Variants in NBPF10 observed in about 807,000 individuals in gnomAD.
The protein encoded by NBPF10 is NBPF member 10, also known as NBPF family member NBPF10.
NBPF10 carries 63 observed loss-of-function variants against 77.9 expected under a neutral mutation model. That is an observed-to-expected ratio of 0.81 (90% CI 0.66 to 1.00). NBPF10 has a LOEUF of 1.00. Among genes scored for constraint, NBPF10 ranks in the 50% least tolerant of loss-of-function variants. NBPF10 has a pLI of 0.00. For missense variants in NBPF10, 522 were observed against 679.8 expected (o/e 0.77, Z 2.58); for synonymous variants, 146 against 264.5 (o/e 0.55, Z 4.35).
intron 8 of NBPF10, 121 bp from the exon 9 acceptor site, chr1:146,134,386 T>G (rs1659494817): frequency 2.6e-6 from 2 of 759,642 alleles, no homozygotes; most frequent in Admixed American, 4.6e-5. Flanking sequence ...CTGAAAACTC[T>G]CATGTTTTAT....
At chr1:146,126,199 C>G (rs782702198) in intron 14 of NBPF10, 37 bp downstream of exon 14, 3 of 1,171,726 alleles carry the variant, frequency 2.6e-6, no homozygotes, top group South Asian at 2.4e-5. Flanking sequence ...CCAGAAGACT[C>G]AGTGGATCCT....
intron 89 of NBPF10, 137 bp from the exon 90 acceptor site, chr1:146,066,698 T>C (rs1257202290): frequency 3.7e-6 from 2 of 541,832 alleles, no homozygotes; most frequent in South Asian, 2.1e-5. Flanking sequence ...AAAAAAAAAA[T>C]TTATTGCCTT....
At chr1:146,067,333 C>G (rs782393331) in intron 88 of NBPF10, 45 bp from the exon 89 acceptor site, 4 of 466,240 alleles carry the variant, frequency 8.6e-6, no homozygotes, top group Non-Finnish European at 1.5e-5. Context: ...GCTGATTCCC[C>G]TACACACATA....
At chr1:146,123,495 C>CAG (rs1261751948) in intron 17 of NBPF10, among the ~76,000 whole-genome samples, 35 of 87,392 alleles carry the variant, frequency 4.0e-4, no homozygotes, top group Admixed American at 3.2e-3. Context: ...CACACACACA[C>CAG]ACACACACAC....
At chr1:146,067,918 T>G in intron 88 of NBPF10, 85 bp downstream of exon 88, 1 of 706,992 alleles carries the variant, frequency 1.4e-6, no homozygotes. Flanking sequence ...GTCTCTCGGG[T>G]CAGCAAGGGC....
chr1:146,126,073 G>C (rs1236254402), intron 14 of NBPF10, among the ~76,000 whole-genome samples, 163 bp downstream of exon 14: 2 of 151,576 alleles, frequency 1.3e-5, no homozygotes, highest in African/African-American at 2.4e-5. Flanking sequence ...TCCCTTGTCT[G>C]GGCTTCCAAG....
intron 12 of NBPF10, among the ~76,000 whole-genome samples, chr1:146,127,909 C>T (rs1658903924): frequency 6.9e-6 from 1 of 145,572 alleles, no homozygotes; most frequent in African/African-American, 2.6e-5. Context: ...CGGGCATGGC[C>T]TGAGACTAGG....
chr1:146,126,135 C>G lies in NBPF10; in HGVS notation c.2026+101G>C, dbSNP rs3929730. 18 of 793,234 alleles carry G rather than the reference C, an allele frequency of 2.3e-5. No individual in the cohort carries two copies. In the Admixed American group the frequency reaches 2.8e-4, roughly 12 times the overall value. 49.1% of individuals were successfully genotyped at this position (793,234 alleles called of 1,614,324 possible). ...ATGTGCCTATAGGTCCTCCCTGTGG[C>G]AATGACATCTCTCAGCTCAGTAACG... On this transcript the variant is annotated intron_variant, in intron 14 of 89. Coordinates refer to ENST00000583866, the Ensembl canonical transcript of NBPF10.
Position 146,067,370 on chromosome 1 carries a change from G to A in NBPF10, c.11036-82C>T, listed in dbSNP as rs1436342756. The A allele has an allele frequency of 1.1e-4, 42 of 388,980 alleles. 8 individuals are homozygous for A. Among genetic ancestry groups the A allele is most frequent in the Non-Finnish European group, 1.1e-4 (25 of 222,348 alleles). The allele number at this position is 388,980 out of a possible 1,614,324, so 24.1% of individuals were successfully genotyped here. On this transcript the variant is annotated intron_variant, in intron 88 of 89. Transcript: ENST00000583866. ...AAATCCACTGTCTAATCCTCACACA[G>A]GGACCTCAGGCTCCTCAGCATAAGA... is the stretch of plus-strand genomic sequence containing the variant.
chr1:146,121,956 T>C (rs1658229264), intron 19 of NBPF10, among the ~76,000 whole-genome samples: 1 of 133,232 alleles, frequency 7.5e-6, no homozygotes, highest in Non-Finnish European at 1.6e-5. Context: ...AAGGACACTC[T>C]GAGTTAGTGC....
intron 11 of NBPF10, among the ~76,000 whole-genome samples, chr1:146,129,992 G>T: frequency 1.3e-5 from 1 of 76,872 alleles, no homozygotes. Context: ...ACATTGGTGT[G>T]CTTCACCCAT....
At chr1:146,139,330 C>CA (rs1660052887) in intron 5 of NBPF10, among the ~76,000 whole-genome samples, 1 of 151,574 alleles carries the variant, frequency 6.6e-6, no homozygotes, top group Non-Finnish European at 1.5e-5. Context: ...AGGATGGTCT[C>CA]AATCTCCTGA....
chr1:146,070,164 G>T, intron 85 of NBPF10, among the ~76,000 whole-genome samples, 160 bp downstream of exon 85: 1 of 58,544 alleles, frequency 1.7e-5, no homozygotes, highest in East Asian at 5.1e-4. Context: ...AGGAAGAAAT[G>T]GAAACCTAAA....
rs1346794631 is a variant in NBPF10 at position 146,126,363 on chromosome 1, C to A, written c.1899G>T (p.Gln633His). 17 of 1,390,934 alleles carry A rather than the reference C, an allele frequency of 1.2e-5. No individual in the cohort carries two copies. In the African/African-American group the frequency reaches 2.3e-4, roughly 18 times the overall value. 86.2% of individuals were successfully genotyped at this position (1,390,934 alleles called of 1,614,324 possible). ...TTGAATAACATCTATCCTGTGAGTCCTGCAAGACTTCAGGCCCTTTCTCAT... is the reference window on the plus strand; with the variant it reads ...TTGAATAACATCTATCCTGTGAGTCATGCAAGACTTCAGGCCCTTTCTCAT... Residue 633 changes from glutamine (Q) to histidine (H), a missense_variant, in exon 14 of 90, where the codon CAG becomes CAT. Transcript: ENST00000583866.
rs781807023 is a variant in NBPF10 at position 146,141,857 on chromosome 1, G to T, written c.279-39C>A. On this transcript the variant is annotated intron_variant, in intron 2 of 89. Transcript: ENST00000583866. ...GTAGAGAAAATTTAAGAGTAGAAAG[G>T]GTTGAGTGATCCGTTCAAATATTGC... 7.7e-5 allele frequency: 94 copies of T among 1,214,266 alleles called. 19 individuals carry two copies. The highest frequency in any genetic ancestry group is 9.1e-5 in the Non-Finnish European group (77 of 842,098). The allele number at this position is 1,214,266 out of a possible 1,614,324, so 75.2% of individuals were successfully genotyped here.
Position 146,126,216 on chromosome 1 carries a change from C to G in NBPF10, c.2026+20G>C, listed in dbSNP as rs1259046880. 8 of 1,542,176 alleles carry G rather than the reference C, an allele frequency of 5.2e-6. No homozygotes were observed. Among genetic ancestry groups the G allele is most frequent in the Non-Finnish European group, 7.2e-6 (8 of 1,116,858 alleles). On this transcript the variant is annotated intron_variant, in intron 14 of 89. Transcript: ENST00000583866. ...AGAAGACTCAGTGGATCCTTATCAC[C>G]TTCATAGAAAGGTACTCACCATCCA...
intron 88 of NBPF10, among the ~76,000 whole-genome samples, chr1:146,067,496 T>A (rs1571103152): frequency 6.9e-6 from 1 of 144,836 alleles, no homozygotes; most frequent in African/African-American, 2.6e-5. Context: ...ATGTCCCTAT[T>A]CTAGTAGATC....
At chr1:146,135,961 A>C (rs6701178) in intron 7 of NBPF10, among the ~76,000 whole-genome samples, 1 of 149,572 alleles carries the variant, frequency 6.7e-6, no homozygotes, top group Admixed American at 6.7e-5. Context: ...CAGGGTCGAG[A>C]AGGCAACATT....
chr1:146,072,795 G>A lies in NBPF10; in HGVS notation c.10237C>T (p.Gln3413Ter). ...GAGTAAACAGCACTGCTGTAGGGCT[G>A]GCCTAAGTCAGGCAGTTCAAGATAA... The change falls in exon 82 of 90, where the codon CAG (glutamine) becomes TAG (stop). Residue 3413 changes from glutamine (Q) to a stop codon, truncating the protein, a stop_gained. Transcript: ENST00000583866. LOFTEE classifies it high-confidence loss of function. 1 of 117,430 alleles carries A rather than the reference G, an allele frequency of 8.5e-6. No individual in the cohort carries two copies. Among genetic ancestry groups the A allele is most frequent in the Non-Finnish European group, 1.6e-5 (1 of 63,126 alleles). 7.3% of individuals were successfully genotyped at this position (117,430 alleles called of 1,614,324 possible). A position where few individuals can be genotyped will look rare whatever the true frequency, so the allele number is the denominator to read the frequency against.
Sources: gnomAD v4.1 joint callset for allele counts (sites outside exome capture counted in the v4.1 genomes callset) on GRCh38, gnomAD v4.1.1 for gene constraint, MANE v1.5 for transcripts, NCBI Gene and HGNC (gene_info 2026-07-23, HGNC 2026-07-21) for gene names.